The following DNASE1 variants were observed in gnomAD, a reference collection of about 807,000 sequenced individuals.
DNASE1 encodes the protein deoxyribonuclease 1.
A neutral mutation model predicts 33.9 loss-of-function variants in DNASE1; 40 were observed. The ratio of observed to expected loss-of-function variants is 1.18; its 90% confidence interval spans 0.92 to 1.54. The LOEUF is 1.54. Among genes scored for constraint, DNASE1 ranks in the 40% most tolerant of loss-of-function variants. DNASE1 has a pLI of 0.00. For synonymous variants in DNASE1, 216 were observed against 160.0 expected (o/e 1.35, Z -2.64); for missense variants, 518 against 372.6 (o/e 1.39, Z -3.21).
intron 5 of DNASE1, 114 bp from the exon 6 acceptor site, chr16:3,656,885 A>G (rs2042684689): frequency 1.3e-6 from 2 of 1,544,996 alleles, no homozygotes; most frequent in Admixed American, 2.0e-5. Context: ...CATTCAAGTC[A>G]TTTGGAAAAT....
At chr16:3,663,391 C>T (rs1199195925) in exon 10 of DNASE1, 1 of 1,612,652 alleles carries the variant, frequency 6.2e-7, no homozygotes, top group Non-Finnish European at 8.5e-7. Flanking sequence ...GAGTGGAAAC[C>T]AGCCCCACGC....
At chr16:3,653,830 A>AAAAAAAAAAC (rs2042429919), upstream of DNASE1, 1 of 146,300 alleles carries the variant, frequency 6.8e-6, no homozygotes. Flanking sequence ...AAAAAAAAAA[A>AAAAAAAAAAC]AAAAAAAAAA....
chr16:3,655,468 C>G lies in DNASE1; in HGVS notation c.95C>G (p.Thr32Arg). 1 of 1,614,188 alleles carries G rather than the reference C, an allele frequency of 6.2e-7. No homozygotes were observed. The highest frequency in any genetic ancestry group is 8.5e-7 in the Non-Finnish European group (1 of 1,180,038). Residue 32 changes from threonine to arginine, a missense_variant, in exon 2 of 9, where the codon ACA becomes AGA. Coordinates refer to ENST00000246949, the MANE Select transcript of DNASE1 (RefSeq NM_005223.4). ...AAGATCGCAGCCTTCAACATCCAGA[C>G]ATTTGGGGAGACCAAGATGTCCAAT... ...SLKIAAFNIQ[T>R]FGETKMSNAT...
chr16:3,638,501 C>T (rs375310124), upstream of DNASE1, among the ~76,000 whole-genome samples: 1 of 152,138 alleles, frequency 6.6e-6, no homozygotes, highest in East Asian at 1.9e-4. Context: ...CCACACTCAG[C>T]TAATTTTTTG....
At chr16:3,655,686 C>T (rs1415553874) in intron 2 of DNASE1, among the ~76,000 whole-genome samples, 163 bp from the exon 3 acceptor site, 1 of 152,200 alleles carries the variant, frequency 6.6e-6, no homozygotes. Flanking sequence ...GGTCCTCATC[C>T]CTGCTGTGCT....
chr16:3,662,542 C>T (rs970612477), downstream of DNASE1: 1 of 551,242 alleles, frequency 1.8e-6, no homozygotes, highest in South Asian at 1.8e-5. Context: ...ACTAAGCACC[C>T]AAGTGAGCAT....
At chr16:3,629,526 A>T (rs2041631294) in intron 1 of DNASE1, among the ~76,000 whole-genome samples, 1 of 152,096 alleles carries the variant, frequency 6.6e-6, no homozygotes, top group Non-Finnish European at 1.5e-5. Flanking sequence ...TGCATAAGGG[A>T]TATTAGTCTG....
At chr16:3,612,561 T>C (rs1469372884) in intron 1 of DNASE1, among the ~76,000 whole-genome samples, 2 of 147,260 alleles carry the variant, frequency 1.4e-5, no homozygotes, top group Non-Finnish European at 3.0e-5. Flanking sequence ...TTTTTTTTTT[T>C]TTTTTTTAAG....
upstream of DNASE1, chr16:3,654,515 C>G: frequency 5.0e-6 from 2 of 398,654 alleles, no homozygotes; most frequent in Admixed American, 8.8e-5. Context: ...GACCTTGGGG[C>G]CCCCAGACAA....
chr16:3,663,990 G>A, exon 10 of DNASE1: 1 of 369,186 alleles, frequency 2.7e-6, no homozygotes, highest in Non-Finnish European at 4.9e-6. Context: ...CTGAACCCAG[G>A]AGGCGGAAGT....
At chr16:3,624,880 A>G (rs2041454425) in intron 1 of DNASE1, among the ~76,000 whole-genome samples, 1 of 152,048 alleles carries the variant, frequency 6.6e-6, no homozygotes, top group Non-Finnish European at 1.5e-5. Context: ...TTTTATTTTT[A>G]GTAGAGATAG....
intron 1 of DNASE1, among the ~76,000 whole-genome samples, chr16:3,613,305 C>T (rs2040975770): frequency 6.6e-6 from 1 of 152,228 alleles, no homozygotes; most frequent in Non-Finnish European, 1.5e-5. Flanking sequence ...ATCAGTACTG[C>T]ATGCCTTTTC....
At chr16:3,642,111 G>A (rs1358931582), upstream of DNASE1, among the ~76,000 whole-genome samples, 1 of 152,194 alleles carries the variant, frequency 6.6e-6, no homozygotes, top group Non-Finnish European at 1.5e-5. Context: ...CGGGGTGGGA[G>A]CCCCTCCTGG....
In DNASE1 at chr16:3,655,873, C is replaced by G; in HGVS notation, c.172C>G (p.Leu58Val). ...GATCCTGAGCCGCTATGACATCGCCCTGGTCCAGGAGGTCAGAGACAGCCA... is the reference window on the plus strand; with the variant it reads ...GATCCTGAGCCGCTATGACATCGCCGTGGTCCAGGAGGTCAGAGACAGCCA... The part of the protein sequence containing the change: ...VQILSRYDIA[L>V]VQEVRDSHLT... Residue 58 changes from leucine to valine, a missense_variant, in exon 3 of 9, where the codon CTG (leucine) becomes GTG (valine). Physicochemically the swap from Leu to Val is conservative, Grantham distance 32. Transcript: ENST00000246949. 6.2e-7 allele frequency: 1 copy of G among 1,613,970 alleles called. No homozygotes were observed. The highest frequency in any genetic ancestry group is 8.5e-7 in the Non-Finnish European group (1 of 1,180,014).
At chr16:3,624,792 C>T (rs770825078) in intron 1 of DNASE1, among the ~76,000 whole-genome samples, 1 of 152,176 alleles carries the variant, frequency 6.6e-6, no homozygotes, top group African/African-American at 2.4e-5. Context: ...ACAGTCCTCC[C>T]ACCTCAGCCT....
exon 10 of DNASE1, chr16:3,663,366 G>A: frequency 6.2e-7 from 1 of 1,605,506 alleles, no homozygotes; most frequent in Non-Finnish European, 8.5e-7. Flanking sequence ...CTGCGGGGCA[G>A]GAGAGGCGTG....
At chr16:3,658,141 C>T (rs2042823159), downstream of DNASE1, 4 of 1,614,086 alleles carry the variant, frequency 2.5e-6, no homozygotes, top group East Asian at 4.5e-5. Flanking sequence ...AGTGTCGCTC[C>T]AGGGCCTTGA....
chr16:3,663,222 G>T (rs898445110), exon 10 of DNASE1: 38 of 716,054 alleles, frequency 5.3e-5, no homozygotes, highest in Non-Finnish European at 8.1e-5. Context: ...AGCCACCGTG[G>T]CAGGAGCACT....
At chr16:3,640,825 C>T (rs2042007183), upstream of DNASE1, 2 of 398,526 alleles carry the variant, frequency 5.0e-6, no homozygotes, top group South Asian at 2.5e-4. Flanking sequence ...CTTCCTGTGG[C>T]TGTCACTCCT....
Sources: gnomAD v4.1 joint callset for allele counts (sites outside exome capture counted in the v4.1 genomes callset) on GRCh38, gnomAD v4.1.1 for gene constraint, MANE v1.5 for transcripts, NCBI Gene and HGNC (gene_info 2026-07-23, HGNC 2026-07-21) for gene names.